DPP6: variants seen among roughly 807,000 people sequenced by gnomAD.
DPP6 encodes A-type potassium channel modulatory protein DPP6.
Under a neutral mutation model 122.6 loss-of-function variants are expected in DPP6, and 69 were observed. The observed-to-expected ratio is 0.56, with a 90% CI of 0.46 to 0.69. The LOEUF (loss-of-function observed/expected upper bound fraction) is 0.69, where lower values mean the gene tolerates loss of function less well. Among genes scored for constraint, DPP6 ranks in the 30% least tolerant of loss-of-function variants. The probability of loss-of-function intolerance (pLI) is 0.00; values close to 1 mark genes in which losing one functional copy is unlikely to be tolerated. For synonymous variants in DPP6, 418 were observed against 433.1 expected (o/e 0.97, Z 0.43); for missense variants, 928 against 1,116.9 (o/e 0.83, Z 2.41).
the DPP6 span, among the ~76,000 whole-genome samples, chr7:153,752,527 G>T: frequency 1.3e-5 from 2 of 151,656 alleles, no homozygotes; most frequent in African/African-American, 4.9e-5. Context: ...GGGATTACAG[G>T]CGTGAGCCAC....
At position 154,403,573 on chromosome 7, in the gene DPP6, G is replaced by A. The variant is rs1815827024; in HGVS notation, c.244-42641G>A. 6.6e-6 allele frequency among the ~76,000 whole-genome samples: 1 copy of A among 152,202 alleles called. No individual in the cohort carries two copies. Among genetic ancestry groups the A allele is most frequent in the Non-Finnish European group, 1.5e-5 (1 of 68,028 alleles). ...TCCAACTCTGGGCTGGGAAAGCAAA[G>A]AGCACTGGGCAATCACGCCTTTCTC... On this transcript the variant is annotated intron_variant, in intron 1 of 25. Transcript: ENST00000377770. This position sits in a 1 kb window ranked among gnomAD's most constrained non-coding sequence, Gnocchi z 4.1.
chr7:153,841,091 G>A, the DPP6 span, among the ~76,000 whole-genome samples: 6 of 152,196 alleles, frequency 3.9e-5, no homozygotes, highest in Non-Finnish European at 7.3e-5. Context: ...CCTGCGGTTT[G>A]AGTCTCAGGC....
intron 1 of DPP6, among the ~76,000 whole-genome samples, chr7:154,398,255 C>A (rs1815264304): frequency 6.6e-6 from 1 of 152,070 alleles, no homozygotes; most frequent in African/African-American, 2.4e-5. Context: ...TAAGCCCATC[C>A]CTAAAAATGA....
chr7:154,385,005 C>T (rs181638609), intron 1 of DPP6, among the ~76,000 whole-genome samples: 15 of 152,176 alleles, frequency 9.9e-5, no homozygotes, highest in East Asian at 7.7e-4. Context: ...GAGGGAGTCT[C>T]GCTCTGTCGC....
chr7:154,193,957 T>C (rs1416722824), intron 1 of DPP6, among the ~76,000 whole-genome samples: 3 of 152,040 alleles, frequency 2.0e-5, no homozygotes, highest in Non-Finnish European at 2.9e-5. Flanking sequence ...TGGTGTAATA[T>C]AGGCAAAATA....
rs979506763 is a variant in DPP6, at chr7:154,665,791, A to G, written c.681-3569A>G. ...CATAGAGATTAAAAACCATGAGTTT[A>G]TACAGATACCTCTGATTTCAAACTT... On this transcript the variant is annotated intron_variant, in intron 6 of 25. Coordinates refer to ENST00000377770, the MANE Select transcript of DPP6 (RefSeq NM_130797.4). 2.0e-5 allele frequency among the ~76,000 whole-genome samples: 3 copies of G among 152,192 alleles called. No individual in the cohort carries two copies. In the East Asian group the frequency reaches 5.8e-4, roughly 29 times the overall value.
chr7:154,274,190 G>C (rs1468357367), intron 1 of DPP6, among the ~76,000 whole-genome samples: 1 of 152,182 alleles, frequency 6.6e-6, no homozygotes, highest in Non-Finnish European at 1.5e-5. Flanking sequence ...TGCTGCTGTG[G>C]AATTCTGTAG....
chr7:154,683,865 CT>C (rs1563100591), intron 7 of DPP6, among the ~76,000 whole-genome samples: 1 of 152,266 alleles, frequency 6.6e-6, no homozygotes, highest in East Asian at 1.9e-4. Flanking sequence ...AGAACACACT[CT>C]TTTTTTAAAA....
chr7:154,089,873 A>G (rs1330843447), intron 1 of DPP6, among the ~76,000 whole-genome samples: 11 of 152,212 alleles, frequency 7.2e-5, no homozygotes, highest in Non-Finnish European at 1.6e-4. Context: ...CAAAACCCCA[A>G]AGGTGAGAAT....
intron 8 of DPP6, among the ~76,000 whole-genome samples, chr7:154,737,075 G>C (rs1324564894): frequency 6.6e-6 from 1 of 152,234 alleles, no homozygotes; most frequent in Non-Finnish European, 1.5e-5. Flanking sequence ...CAGGATCATA[G>C]CTCATCAGAC....
intron 3 of DPP6, among the ~76,000 whole-genome samples, chr7:154,515,543 T>A (rs909423572): frequency 2.0e-5 from 3 of 151,994 alleles, no homozygotes; most frequent in Admixed American, 6.6e-5. Flanking sequence ...TGGTGCGCTC[T>A]CGGCTCACTG....
At chr7:154,654,259 T>C (rs1251967979) in intron 6 of DPP6, among the ~76,000 whole-genome samples, 3 of 152,020 alleles carry the variant, frequency 2.0e-5, no homozygotes, top group Admixed American at 2.0e-4. Context: ...ATGACTGTGC[T>C]CATATTTGTG....
At chr7:153,944,187 C>A (rs915001296) in intron 1 of DPP6, among the ~76,000 whole-genome samples, 4 of 152,338 alleles carry the variant, frequency 2.6e-5, no homozygotes, top group Middle Eastern at 3.4e-3. Flanking sequence ...GGGCTCGGTC[C>A]GTCTGGCCAT....
chr7:154,653,699 C>A (rs934171965), intron 6 of DPP6, among the ~76,000 whole-genome samples: 16 of 152,178 alleles, frequency 1.1e-4, no homozygotes, highest in African/African-American at 3.9e-4. Context: ...AGCATCATCT[C>A]ATTCCATTTT....
At chr7:154,654,594 T>C (rs997911378) in intron 6 of DPP6, among the ~76,000 whole-genome samples, 3 of 151,820 alleles carry the variant, frequency 2.0e-5, no homozygotes, top group Admixed American at 6.6e-5. Flanking sequence ...AATTTTTTTA[T>C]TTTTAGTAGA....
intron 1 of DPP6, among the ~76,000 whole-genome samples, chr7:154,163,874 G>A (rs12672528): frequency 0.21 from 30,992 of 149,126 alleles, 5,353 homozygotes; most frequent in African/African-American, 0.54. Flanking sequence ...CTCACTACAG[G>A]GCACGCCTTC....
intron 1 of DPP6, among the ~76,000 whole-genome samples, chr7:154,006,544 T>G (rs184230741): frequency 2.0e-5 from 3 of 152,276 alleles, no homozygotes; most frequent in Admixed American, 6.5e-5. Flanking sequence ...AAGCAAAGGA[T>G]TGTGTAATTC....
chr7:154,594,272 C>A (rs764380700), intron 5 of DPP6, among the ~76,000 whole-genome samples: 3 of 152,116 alleles, frequency 2.0e-5, no homozygotes, highest in Non-Finnish European at 2.9e-5. Context: ...ATTTTGCCCA[C>A]GTATTAATGC....
chr7:153,970,354 C>T (rs1795962052), intron 1 of DPP6, among the ~76,000 whole-genome samples: 1 of 152,140 alleles, frequency 6.6e-6, no homozygotes, highest in South Asian at 2.1e-4. Flanking sequence ...TGGACATTGC[C>T]TTCCTATTAT....
Sources: gnomAD v4.1 joint callset for allele counts (sites outside exome capture counted in the v4.1 genomes callset) on GRCh38, gnomAD v4.1.1 for gene constraint, Gnocchi (gnomAD v3.1) non-coding constraint, MANE v1.5 for transcripts, NCBI Gene and HGNC (gene_info 2026-07-23, HGNC 2026-07-21) for gene names.